Variants in COPG2 observed in about 807,000 individuals in gnomAD.
The protein encoded by COPG2 is coat protein complex I subunit gamma 2, also known as coatomer subunit gamma-2.
A neutral mutation model predicts 46.3 loss-of-function variants in COPG2; 37 were observed. That is an observed-to-expected ratio of 0.80 (90% CI 0.61 to 1.05). COPG2 has a LOEUF of 1.05. Among genes scored for constraint, COPG2 ranks in the 50% least tolerant of loss-of-function variants. The pLI is 0.00. For synonymous variants in COPG2, 159 were observed against 129.7 expected (o/e 1.23, Z -1.53); for missense variants, 427 against 387.8 (o/e 1.10, Z -0.85).
intron 20 of COPG2, among the ~76,000 whole-genome samples, chr7:130,514,970 CAGTAGACTCGCTCTTGATGCCTT>C (rs1197123483): frequency 5.9e-5 from 9 of 152,114 alleles, no homozygotes. Context: ...AGGAATGAGT[CAGTAGACTCGCTCTTGATGCCTT>C]AGTGGGAGAT....
chr7:130,536,927 G>A (rs1247575466), intron 20 of COPG2, among the ~76,000 whole-genome samples: 1 of 151,550 alleles, frequency 6.6e-6, no homozygotes, highest in Non-Finnish European at 1.5e-5. Flanking sequence ...AAGGTGCAAA[G>A]GGAAATGGAG....
At chr7:130,622,239 A>G (rs1172707743) in intron 5 of COPG2, among the ~76,000 whole-genome samples, 1 of 152,202 alleles carries the variant, frequency 6.6e-6, no homozygotes, top group Non-Finnish European at 1.5e-5. Flanking sequence ...TATGAAATAC[A>G]TCTCAGAACC....
At position 130,547,692 on chromosome 7, in the gene COPG2, C is replaced by A; in HGVS notation, c.2131G>T (p.Asp711Tyr). 2 of 398,604 alleles carry A rather than the reference C, an allele frequency of 5.0e-6. No homozygotes were observed. Among genetic ancestry groups the A allele is most frequent in the Non-Finnish European group, 8.8e-6 (2 of 226,080 alleles). 24.7% of individuals were successfully genotyped at this position (398,604 alleles called of 1,614,324 possible). ...TTAGTACCTGCTGTAGGGTCATCAT[C>A]AGGCAAACGAACAAGAGTGTAACAT... ...GICYTLVRLPDDDPTAVAGSF... is the reference protein window; with the variant it reads ...GICYTLVRLPYDDPTAVAGSF... Residue 711 changes from aspartate to tyrosine, a missense_variant, in exon 20 of 24, where the codon GAT becomes TAT. Physicochemically the swap from Asp to Tyr is radical, Grantham distance 160. Coordinates refer to ENST00000425248, the MANE Select transcript of COPG2 (RefSeq NM_012133.6).
At chr7:130,526,650 A>C (rs1799777005) in intron 20 of COPG2, among the ~76,000 whole-genome samples, 1 of 151,770 alleles carries the variant, frequency 6.6e-6, no homozygotes, top group Non-Finnish European at 1.5e-5. Context: ...GAGTAGGAAC[A>C]AAGGAATTTG....
At chr7:130,615,560 A>C (rs782423310) in intron 6 of COPG2, among the ~76,000 whole-genome samples, 14 of 152,224 alleles carry the variant, frequency 9.2e-5, no homozygotes, top group Non-Finnish European at 2.1e-4. Flanking sequence ...TATATCATGT[A>C]GATATTAAAT....
intron 20 of COPG2, among the ~76,000 whole-genome samples, chr7:130,544,064 A>G (rs1793389651): frequency 6.6e-6 from 1 of 152,204 alleles, no homozygotes; most frequent in Admixed American, 6.5e-5. Flanking sequence ...GGAAGGGGAA[A>G]GGGTGGCTGA....
At chr7:130,572,401 A>G (rs1484433438) in intron 9 of COPG2, among the ~76,000 whole-genome samples, 3 of 152,208 alleles carry the variant, frequency 2.0e-5, no homozygotes, top group Non-Finnish European at 4.4e-5. Context: ...CAACCCAGTA[A>G]CTGTAAAAAT....
intron 20 of COPG2, chr7:130,511,867 C>A (rs782766742): frequency 1.9e-6 from 1 of 518,600 alleles, no homozygotes; most frequent in Non-Finnish European, 3.9e-6. Context: ...GAGGGAATGG[C>A]TAATTAAAGG....
Position 130,668,636 on chromosome 7 carries a change from C to A in COPG2, c.33G>T (p.Glu11Asp). ...CCTCGGAAGCCCCGCGCGTACCAGA[C>A]TCCTCGTCCTTCTTGTCGAATTTTT... MIKKFDKKDE[E>D]SGSGSNPFQH... The change falls in exon 1 of 24, where the codon GAG becomes GAT. Residue 11 changes from glutamate to aspartate, a missense_variant. Physicochemically the swap from Glu to Asp is conservative, Grantham distance 45. Coordinates refer to ENST00000425248, the MANE Select transcript of COPG2 (RefSeq NM_012133.6). The A allele has an allele frequency of 1.3e-6, 2 of 1,540,408 alleles. No individual in the cohort carries two copies. Among genetic ancestry groups the A allele is most frequent in the Admixed American group, 1.9e-5 (1 of 51,346 alleles).
At chr7:130,541,303 G>T (rs1371834775) in intron 20 of COPG2, among the ~76,000 whole-genome samples, 2 of 152,162 alleles carry the variant, frequency 1.3e-5, no homozygotes, top group Non-Finnish European at 2.9e-5. Flanking sequence ...AGTGGGCTGT[G>T]CGGGTGAGAG....
At chr7:130,550,411 CAA>C (rs1158918044) in intron 17 of COPG2, 111 bp downstream of exon 17, 941 of 104,188 alleles carry the variant, frequency 9.0e-3, no homozygotes, top group East Asian at 0.017. Context: ...GACTCTATCT[CAA>C]AAAAAAAAAA....
At chr7:130,557,349 A>G (rs1793643519) in intron 12 of COPG2, among the ~76,000 whole-genome samples, 1 of 152,224 alleles carries the variant, frequency 6.6e-6, no homozygotes, top group African/African-American at 2.4e-5. Flanking sequence ...GAAAGGCATA[A>G]AAGCAGATTT....
At chr7:130,573,907 T>C (rs1793956330) in intron 9 of COPG2, among the ~76,000 whole-genome samples, 1 of 152,200 alleles carries the variant, frequency 6.6e-6, no homozygotes, top group African/African-American at 2.4e-5. Context: ...ATAGAAATGG[T>C]ATGGTTATTT....
In COPG2 at chr7:130,602,450, T is replaced by C. The variant is rs148064646; in HGVS notation, c.737+8503A>G. 1.0e-3 allele frequency among the ~76,000 whole-genome samples: 155 copies of C among 152,204 alleles called. 2 individuals carry two copies. The East Asian group carries it at 0.028, about 28-fold the overall frequency. ...GACAACACACATACACAGCATACTT[T>C]TACTTCCATCTAATACCACCTTCCT... On this transcript the variant is annotated intron_variant, in intron 9 of 23. Coordinates refer to ENST00000425248, the MANE Select transcript of COPG2 (RefSeq NM_012133.6).
chr7:130,604,601 A>G (rs1554450936), intron 9 of COPG2: 1 of 348,206 alleles, frequency 2.9e-6, no homozygotes, highest in African/African-American at 2.2e-5. Context: ...TCCTATATAT[A>G]TAGCCATATT....
intron 12 of COPG2, among the ~76,000 whole-genome samples, chr7:130,559,953 T>A (rs1024414649): frequency 8.5e-5 from 13 of 152,212 alleles, no homozygotes; most frequent in Admixed American, 5.9e-4. Flanking sequence ...TTTATTTTTT[T>A]AAAATCATCT....
chr7:130,635,822 C>T (rs1281695047), intron 5 of COPG2, among the ~76,000 whole-genome samples: 1 of 151,958 alleles, frequency 6.6e-6, no homozygotes, highest in Non-Finnish European at 1.5e-5. Flanking sequence ...ATCTTTCCTG[C>T]TTTCTCCTGT....
chr7:130,577,981 T>A (rs1450393298), intron 9 of COPG2, among the ~76,000 whole-genome samples: 3 of 152,204 alleles, frequency 2.0e-5, no homozygotes. Context: ...AAGCTCCAAC[T>A]GGGTGGAGCC....
chr7:130,645,149 A>C, intron 5 of COPG2: 1 of 520,178 alleles, frequency 1.9e-6, no homozygotes, highest in Non-Finnish European at 3.7e-6. Context: ...ATTAGTGTTC[A>C]CAGTAAGAAA....
Sources: allele counts gnomAD v4.1 joint callset (sites outside exome capture counted in the v4.1 genomes callset), GRCh38; gene constraint gnomAD v4.1.1; transcripts MANE v1.5; gene names NCBI Gene and HGNC (gene_info 2026-07-23, HGNC 2026-07-21).